The following MYT1 variants were observed in gnomAD, a reference collection of about 807,000 sequenced individuals.
MYT1 encodes myelin transcription factor 1, also known as myelin transcription factor I.
Under a neutral mutation model 123.0 loss-of-function variants are expected in MYT1, and 23 were observed. The observed-to-expected ratio is 0.19, with a 90% CI of 0.13 to 0.26. The LOEUF (loss-of-function observed/expected upper bound fraction) is 0.26. Among genes scored for constraint, MYT1 ranks in the 10% least tolerant of loss-of-function variants. MYT1 has a pLI of 1.00. For synonymous variants in MYT1, 518 were observed against 575.3 expected (o/e 0.90, Z 1.43); for missense variants, 1,125 against 1,472.5 (o/e 0.76, Z 3.86).
rs1385755893 is a variant in MYT1, at chr20:64,212,165, G to A, written c.1517+27G>A. On this transcript the variant is annotated intron_variant, in intron 9 of 22. Coordinates refer to ENST00000328439, the MANE Select transcript of MYT1 (RefSeq NM_004535.3). This position sits in a 1 kb window ranked among gnomAD's most constrained non-coding sequence, Gnocchi z 6.8. ...TACTTGGACTGAGCTGGGCCGTAGT[G>A]GGGGCCAGGGTGGGGGCCGTGGTGG... is the stretch of plus-strand genomic sequence containing the variant. 3 of 1,390,798 alleles carry A rather than the reference G, an allele frequency of 2.2e-6. No individual in the cohort carries two copies. Among genetic ancestry groups the A allele is most frequent in the Non-Finnish European group, 2.9e-6 (3 of 1,043,248 alleles). The allele number at this position is 1,390,798 out of a possible 1,614,324, so 86.2% of individuals were successfully genotyped here.
At position 64,218,927 on chromosome 20, in the gene MYT1, G is replaced by A; in HGVS notation, c.1863G>A (p.Gln621=). The change falls in exon 12 of 23, where the codon CAG becomes CAA. Residue 621 remains glutamine (Q), a synonymous_variant. Coordinates refer to ENST00000328439, the MANE Select transcript of MYT1 (RefSeq NM_004535.3). This position sits in a 1 kb window ranked among gnomAD's most constrained non-coding sequence, Gnocchi z 4.0. ...CTTCTGCAGGCTTTGACTACTCGCA[G>A]GACGCCGAGGCTGCACACATGGCTG... ...PKAFQCFDYS[Q]DAEAAHMAAT... The A allele has an allele frequency of 1.2e-6, 2 of 1,613,664 alleles. No homozygotes were observed. The highest frequency in any genetic ancestry group is 1.1e-5 in the South Asian group (1 of 91,082).
rs934706398 is a variant in MYT1, at chr20:64,168,202, G to C, written c.-99+3463G>C. Among the ~76,000 whole-genome samples, 1 of 152,220 alleles carries C rather than the reference G, an allele frequency of 6.6e-6. No homozygotes were observed. The highest frequency in any genetic ancestry group is 2.4e-5 in the African/African-American group (1 of 41,444). Reference sequence around the variant, plus strand: ...ATTTCACCGGAATTAAAATGTTTTTGATCTCAGGCTTCCACGGAGCCAGCT... The same window carrying C: ...ATTTCACCGGAATTAAAATGTTTTTCATCTCAGGCTTCCACGGAGCCAGCT... On this transcript the variant is annotated intron_variant, in intron 1 of 22. Coordinates refer to ENST00000328439, the MANE Select transcript of MYT1 (RefSeq NM_004535.3). The surrounding 1 kb of genome is among the most constrained non-coding windows in gnomAD (Gnocchi z 6.1).
rs145326627 is a variant in MYT1 at position 64,173,340 on chromosome 20, T to C, written c.-99+8601T>C. Among the ~76,000 whole-genome samples the C allele has an allele frequency of 3.5e-3, 532 of 152,258 alleles. 2 individuals carry two copies. The highest frequency in any genetic ancestry group is 0.012 in the African/African-American group (517 of 41,544). ...TGGGCTGTTGGACAGGTGCGGCTGATAGAGTGGGTGTCTTTTGTGGGCTTC... is the reference window on the plus strand; with the variant it reads ...TGGGCTGTTGGACAGGTGCGGCTGACAGAGTGGGTGTCTTTTGTGGGCTTC... On this transcript the variant is annotated intron_variant, in intron 1 of 22. Transcript: ENST00000328439.
At chr20:64,236,022 GGCC>G (rs1984525326) in intron 19 of MYT1, among the ~76,000 whole-genome samples, 2 of 126,228 alleles carry the variant, frequency 1.6e-5, no homozygotes, top group African/African-American at 6.8e-5. Flanking sequence ...ACCCTGGGCT[GGCC>G]GCGGTGGGTG....
At chr20:64,234,884 G>A (rs375467535) in intron 19 of MYT1, among the ~76,000 whole-genome samples, 16 of 142,364 alleles carry the variant, frequency 1.1e-4, no homozygotes, top group South Asian at 9.4e-4. Flanking sequence ...TGGGATGGCC[G>A]TGGTGGGTGA....
rs750934675 is a variant in MYT1, at chr20:64,207,954, G to C, written c.758G>C (p.Gly253Ala). 1.1e-5 allele frequency: 18 copies of C among 1,609,480 alleles called. No individual in the cohort carries two copies. Among genetic ancestry groups the C allele is most frequent in the Admixed American group, 1.7e-5 (1 of 59,658 alleles). The change falls in exon 7 of 23, where the codon GGC (glycine) becomes GCC (alanine). Residue 253 changes from glycine to alanine, a missense_variant. Physicochemically the swap from Gly to Ala is moderately conservative, Grantham distance 60. Around this residue, in one of 4 missense-constraint regions of MYT1, gnomAD observed 406 missense variants for 432.2 expected, o/e 0.94. Coordinates refer to ENST00000328439, the MANE Select transcript of MYT1 (RefSeq NM_004535.3). ...AASEESSKQK[G>A]ILSHEEEDEE... is the part of the protein sequence containing the mutation. Reference sequence around the variant, plus strand: ...AGTGAGGAGTCCAGCAAGCAGAAAGGCATCCTGAGTCACGAAGAGGAGGAC... The same window carrying C: ...AGTGAGGAGTCCAGCAAGCAGAAAGCCATCCTGAGTCACGAAGAGGAGGAC...
chr20:64,188,754 G>C (rs1424141535), intron 1 of MYT1, among the ~76,000 whole-genome samples: 2 of 152,198 alleles, frequency 1.3e-5, no homozygotes, highest in Non-Finnish European at 1.5e-5. Flanking sequence ...GGGAACCCAG[G>C]AGGCCTAGAG....
intron 1 of MYT1, among the ~76,000 whole-genome samples, chr20:64,181,994 C>T (rs1982665963): frequency 6.6e-6 from 1 of 152,148 alleles, no homozygotes; most frequent in South Asian, 2.1e-4. Context: ...TGTGGTCCCC[C>T]AGGAGTCTAC....
chr20:64,181,544 C>A (rs139657589), intron 1 of MYT1, among the ~76,000 whole-genome samples: 12 of 152,220 alleles, frequency 7.9e-5, no homozygotes, highest in Admixed American at 3.9e-4. Context: ...AACAAGTCCT[C>A]CTGTCACTGT....
At position 64,213,811 on chromosome 20, in the gene MYT1, C is replaced by T. The variant is rs1983756119; in HGVS notation, c.1631+164C>T. 6.6e-6 allele frequency among the ~76,000 whole-genome samples: 1 copy of T among 152,032 alleles called. No homozygotes were observed. Among genetic ancestry groups the T allele is most frequent in the Non-Finnish European group, 1.5e-5 (1 of 67,952 alleles). Reference sequence around the variant, plus strand: ...TGAGTGTGCACATGCCCCGGGCCCCCCAGGAGCAGAACTGCGGGGCAGTTT... The same window carrying T: ...TGAGTGTGCACATGCCCCGGGCCCCTCAGGAGCAGAACTGCGGGGCAGTTT... On this transcript the variant is annotated intron_variant, in intron 10 of 22. Coordinates refer to ENST00000328439, the MANE Select transcript of MYT1 (RefSeq NM_004535.3). This position sits in a 1 kb window ranked among gnomAD's most constrained non-coding sequence, Gnocchi z 5.6.
At chr20:64,170,617 G>A (rs1215019369) in intron 1 of MYT1, among the ~76,000 whole-genome samples, 3 of 151,758 alleles carry the variant, frequency 2.0e-5, no homozygotes. Context: ...TAAAATGTTA[G>A]ACTATTACTG....
chr20:64,194,422 G>T (rs547923918), intron 2 of MYT1, among the ~76,000 whole-genome samples: 1 of 152,340 alleles, frequency 6.6e-6, no homozygotes, highest in Admixed American at 6.5e-5. Flanking sequence ...AGCACTCCCT[G>T]CCTCCCTGGG....
intron 6 of MYT1, among the ~76,000 whole-genome samples, chr20:64,206,046 C>T (rs1047421282): frequency 3.5e-4 from 53 of 152,106 alleles, no homozygotes; most frequent in Admixed American, 1.4e-3. Flanking sequence ...GACAGAGACA[C>T]GGGGCTGGTG....
At chr20:64,217,506 C>T (rs543727581) in intron 11 of MYT1, among the ~76,000 whole-genome samples, 33 of 152,352 alleles carry the variant, frequency 2.2e-4, no homozygotes, top group African/African-American at 7.2e-4. Context: ...TTCATGTTCA[C>T]CATTAACATT....
chr20:64,207,545 G>A, intron 6 of MYT1, 49 bp from the exon 7 acceptor site: 1 of 1,575,608 alleles, frequency 6.3e-7, no homozygotes, highest in Non-Finnish European at 8.6e-7. Flanking sequence ...GAGACCTGGA[G>A]TCTTCCCACG....
intron 16 of MYT1, among the ~76,000 whole-genome samples, chr20:64,224,022 C>T (rs1300222462): frequency 6.6e-6 from 1 of 152,190 alleles, no homozygotes; most frequent in East Asian, 1.9e-4. Context: ...GCGCAAGCAC[C>T]CAGAGGTTTC....
Position 64,203,787 on chromosome 20 carries a change from A to G in MYT1, c.87-1248A>G, listed in dbSNP as rs1307693185. On this transcript the variant is annotated intron_variant, in intron 4 of 22. Coordinates refer to ENST00000328439, the MANE Select transcript of MYT1 (RefSeq NM_004535.3). The surrounding 1 kb of genome is among the most constrained non-coding windows in gnomAD (Gnocchi z 5.1). ...TGCAGTCAGGCCTGTGATCAGTCGA[A>G]TTAGAAACGATCAGAGGTGTCTGGA... 6.6e-6 allele frequency among the ~76,000 whole-genome samples: 1 copy of G among 152,214 alleles called. No individual in the cohort carries two copies. Among genetic ancestry groups the G allele is most frequent in the African/African-American group, 2.4e-5 (1 of 41,462 alleles).
chr20:64,175,932 A>T (rs1163661614), intron 1 of MYT1, among the ~76,000 whole-genome samples: 1 of 41,404 alleles, frequency 2.4e-5, no homozygotes, highest in African/African-American at 1.4e-4. Flanking sequence ...CTTCTCCTGC[A>T]GCATCTTTCC....
chr20:64,182,215 T>C (rs1029067831), intron 1 of MYT1, among the ~76,000 whole-genome samples: 2 of 152,230 alleles, frequency 1.3e-5, no homozygotes, highest in Non-Finnish European at 2.9e-5. Context: ...TACTCAACCC[T>C]GGGCCCAGCT....
Sources: gnomAD v4.1 joint callset for allele counts (sites outside exome capture counted in the v4.1 genomes callset) on GRCh38, gnomAD v4.1.1 for gene constraint, gnomAD v4.1.1 regional missense constraint, Gnocchi (gnomAD v3.1) non-coding constraint, MANE v1.5 for transcripts, NCBI Gene and HGNC (gene_info 2026-07-23, HGNC 2026-07-21) for gene names.